The following KIFAP3 variants were observed in gnomAD, a reference collection of about 807,000 sequenced individuals.
KIFAP3 encodes kinesin-associated protein 3.
A neutral mutation model predicts 106.5 loss-of-function variants in KIFAP3; 68 were observed. The ratio of observed to expected loss-of-function variants is 0.64; its 90% CI spans 0.53 to 0.78. KIFAP3 has a LOEUF of 0.78. KIFAP3 is among the 30% of genes least tolerant of loss of function. The pLI is 0.00. For synonymous variants in KIFAP3, 320 were observed against 311.5 expected (o/e 1.03, Z -0.29); for missense variants, 780 against 941.8 (o/e 0.83, Z 2.25).
chr1:169,978,497 G>A (rs774094962), intron 15 of KIFAP3, among the ~76,000 whole-genome samples: 4 of 151,766 alleles, frequency 2.6e-5, no homozygotes, highest in Non-Finnish European at 4.4e-5. Flanking sequence ...TAAGTTTTTG[G>A]TGGAAATTGA....
intron 11 of KIFAP3, among the ~76,000 whole-genome samples, chr1:169,991,260 T>C (rs1380093675): frequency 1.3e-5 from 2 of 151,812 alleles, no homozygotes; most frequent in Non-Finnish European, 2.9e-5. Context: ...GGCAGGAGGA[T>C]TGCTTGAGCC....
Position 170,060,736 on chromosome 1 carries a change from C to T in KIFAP3, c.33-5300G>A, listed in dbSNP as rs139942960. ...TAAGCCAAAAGAACAAAGCTGGAGG[C>T]ATCACACTACCTGATTTTAAACTAT... On this transcript the variant is annotated intron_variant, in intron 1 of 19. Transcript: ENST00000361580. 7.6e-3 allele frequency among the ~76,000 whole-genome samples: 1,162 copies of T among 152,294 alleles called. 12 individuals carry two copies. Among genetic ancestry groups the T allele is most frequent in the African/African-American group, 0.027 (1,102 of 41,572 alleles).
At chr1:169,983,409 A>C in intron 12 of KIFAP3, 27 bp from the exon 13 acceptor site, 1 of 1,461,564 alleles carries the variant, frequency 6.8e-7, no homozygotes. Flanking sequence ...CCCCAATAAA[A>C]TTAAGGTTAG....
At chr1:170,049,400 G>C (rs1340931168) in intron 2 of KIFAP3, among the ~76,000 whole-genome samples, 1 of 152,222 alleles carries the variant, frequency 6.6e-6, no homozygotes, top group Non-Finnish European at 1.5e-5. Context: ...AGCTTCAGCA[G>C]ACTTAATCTT....
intron 11 of KIFAP3, among the ~76,000 whole-genome samples, chr1:169,989,741 G>C (rs960391215): frequency 6.6e-6 from 1 of 151,958 alleles, no homozygotes. Context: ...TGATATAAAA[G>C]TCTAAGAAAT....
At chr1:170,082,217 T>G (rs1368371221) in intron 1 of KIFAP3, among the ~76,000 whole-genome samples, 1 of 152,206 alleles carries the variant, frequency 6.6e-6, no homozygotes, top group East Asian at 1.9e-4. Context: ...TGATACAAAT[T>G]GTGGGATATT....
At chr1:169,967,442 C>T (rs1159142329) in intron 17 of KIFAP3, among the ~76,000 whole-genome samples, 2 of 151,704 alleles carry the variant, frequency 1.3e-5, no homozygotes, top group African/African-American at 4.8e-5. Context: ...GTAGCCATGG[C>T]AAAGTGAGTT....
At chr1:170,015,999 G>A (rs1305840597) in intron 10 of KIFAP3, among the ~76,000 whole-genome samples, 1 of 151,850 alleles carries the variant, frequency 6.6e-6, no homozygotes, top group African/African-American at 2.4e-5. Flanking sequence ...GACCAGCCTG[G>A]GTGATATGGT....
chr1:169,963,693 C>T (rs1332906206), intron 17 of KIFAP3, among the ~76,000 whole-genome samples: 2 of 152,094 alleles, frequency 1.3e-5, no homozygotes, highest in Non-Finnish European at 2.9e-5. Context: ...GGGGTTTCAC[C>T]ATGTTGGCCA....
chr1:170,057,152 T>C (rs148866448), intron 1 of KIFAP3, among the ~76,000 whole-genome samples: 28 of 152,242 alleles, frequency 1.8e-4, no homozygotes, highest in Non-Finnish European at 3.1e-4. Context: ...TTTATAACTG[T>C]ATACAGTTAA....
chr1:170,030,468 T>C (rs1669342424), intron 8 of KIFAP3, among the ~76,000 whole-genome samples: 1 of 151,860 alleles, frequency 6.6e-6, no homozygotes, highest in African/African-American at 2.4e-5. Flanking sequence ...AGCCATTCCA[T>C]CATTAGGTAT....
At chr1:169,973,090 T>A (rs1666005387) in intron 16 of KIFAP3, among the ~76,000 whole-genome samples, 2 of 134,062 alleles carry the variant, frequency 1.5e-5, no homozygotes, top group African/African-American at 5.6e-5. Flanking sequence ...ATAAAAATAA[T>A]TTAAAAAATA....
At chr1:169,974,442 T>C (rs1666110528) in intron 16 of KIFAP3, among the ~76,000 whole-genome samples, 1 of 151,980 alleles carries the variant, frequency 6.6e-6, no homozygotes, top group Non-Finnish European at 1.5e-5. Context: ...TGTTACTTAC[T>C]ATTTAAACTG....
intron 10 of KIFAP3, among the ~76,000 whole-genome samples, chr1:170,008,485 A>C (rs1668082650): frequency 6.6e-6 from 1 of 151,840 alleles, no homozygotes; most frequent in African/African-American, 2.4e-5. Context: ...TTCTCAAAAG[A>C]AGACATTTAT....
chr1:169,963,723 A>G (rs1571569462), intron 17 of KIFAP3, among the ~76,000 whole-genome samples: 1 of 151,994 alleles, frequency 6.6e-6, no homozygotes, highest in African/African-American at 2.4e-5. Flanking sequence ...TGAACTCCTG[A>G]CCTCAGGTAA....
At chr1:169,998,621 T>C (rs1571632909) in intron 10 of KIFAP3, among the ~76,000 whole-genome samples, 2 of 152,256 alleles carry the variant, frequency 1.3e-5, no homozygotes, top group East Asian at 3.9e-4. Context: ...CCCCTTTTTG[T>C]AATTAGGGAA....
At chr1:170,029,445 T>G (rs1376722209) in intron 8 of KIFAP3, among the ~76,000 whole-genome samples, 1 of 151,998 alleles carries the variant, frequency 6.6e-6, no homozygotes, top group Non-Finnish European at 1.5e-5. Flanking sequence ...CTGGAAAGTA[T>G]TTAAACTGAA....
intron 1 of KIFAP3, among the ~76,000 whole-genome samples, chr1:170,058,823 C>T (rs548526087): frequency 6.6e-6 from 1 of 152,032 alleles, no homozygotes; most frequent in East Asian, 1.9e-4. Flanking sequence ...CTTTCCTTGC[C>T]TACTCAAAGG....
In KIFAP3 at chr1:170,038,302, G is replaced by A. The variant is rs1375113324; in HGVS notation, c.505C>T (p.Leu169=). 3.1e-6 allele frequency: 5 copies of A among 1,598,614 alleles called. No homozygotes were observed. The highest frequency in any genetic ancestry group is 4.2e-6 in the Non-Finnish European group (5 of 1,176,582). The change falls in exon 5 of 20, where the codon CTA becomes TTA. Residue 169 remains leucine, a synonymous_variant. Transcript: ENST00000361580. The part of the protein sequence containing the change: ...LARNPDNLEE[L]LLNETALGAL... ...TTATAGTAATCACCATTCAATAGTA[G>A]TTCTTCCAAGTTATCAGGATTTCGA...
Sources: allele counts gnomAD v4.1 joint callset (sites outside exome capture counted in the v4.1 genomes callset), GRCh38; gene constraint gnomAD v4.1.1; transcripts MANE v1.5; gene names NCBI Gene and HGNC (gene_info 2026-07-23, HGNC 2026-07-21).